IREB2: variants seen among roughly 807,000 people sequenced by gnomAD.
IREB2 encodes iron-responsive element-binding protein 2.
A neutral mutation model predicts 118.8 loss-of-function variants in IREB2; 39 were observed. That is an observed-to-expected ratio of 0.33 (90% CI 0.25 to 0.43). The LOEUF (loss-of-function observed/expected upper bound fraction) is 0.43, where lower values mean the gene tolerates loss of function less well. Among genes scored for constraint, IREB2 ranks in the 20% least tolerant of loss-of-function variants. The pLI, the probability that IREB2 is intolerant of heterozygous loss-of-function variation, is 1.00. For synonymous variants in IREB2, 372 were observed against 392.2 expected, an observed-to-expected ratio of 0.95 and a Z score of 0.61; for missense variants, 900 against 1,147.3, an observed-to-expected ratio of 0.78 and a Z score of 3.11.
At chr15:78,481,518 G>T (rs980347581) in intron 10 of IREB2, among the ~76,000 whole-genome samples, 4 of 86,156 alleles carry the variant, frequency 4.6e-5, no homozygotes. Context: ...ACCACACCTC[G>T]CTAATTTTTT....
Position 78,478,111 on chromosome 15 carries a change from C to T in IREB2, c.1196-186C>T, listed in dbSNP as rs142752930. On this transcript the variant is annotated intron_variant, in intron 9 of 21. Coordinates refer to ENST00000258886, the MANE Select transcript of IREB2 (RefSeq NM_004136.4). The stretch of plus-strand genomic sequence containing the variant: ...AAAAAAAAAAAAAATTAACCAGGCA[C>T]GGTGGGGTGCTACTTGGGAGGCTGA... 9.9e-5 allele frequency among the ~76,000 whole-genome samples: 15 copies of T among 151,244 alleles called. No homozygotes were observed. In the East Asian group the frequency reaches 1.2e-3, roughly 12 times the overall value.
At chr15:78,474,963 G>A (rs1219756963) in intron 8 of IREB2, 1 of 151,032 alleles carries the variant, frequency 6.6e-6, no homozygotes, top group Non-Finnish European at 1.5e-5. Flanking sequence ...GCTGAGGCAG[G>A]AGAATGGCGT....
chr15:78,473,598 CA>C, intron 8 of IREB2: 1 of 501,814 alleles, frequency 2.0e-6, no homozygotes, highest in East Asian at 3.5e-5. Context: ...TATGTTAGCT[CA>C]TTTAGTCCTT....
chr15:78,438,247 T>A lies in IREB2; in HGVS notation c.-91T>A. On this transcript the variant is annotated 5_prime_UTR_variant, in exon 1 of 22. Coordinates refer to ENST00000258886, the MANE Select transcript of IREB2 (RefSeq NM_004136.4). ...GCTTCCTTCTTTCCTCCCTTGCCAG[T>A]CCGCCTGTCTTCCTCCCCGTCTTCC... 3.0e-6 allele frequency: 3 copies of A among 986,654 alleles called. No individual in the cohort carries two copies. The highest frequency in any genetic ancestry group is 2.7e-5 in the South Asian group (2 of 72,844). 61.1% of individuals were successfully genotyped at this position (986,654 alleles called of 1,614,324 possible). A position where few individuals can be genotyped will look rare whatever the true frequency, so the allele number is the denominator to read the frequency against.
chr15:78,482,326 A>C (rs2051588332), intron 10 of IREB2, among the ~76,000 whole-genome samples: 1 of 152,222 alleles, frequency 6.6e-6, no homozygotes, highest in Admixed American at 6.5e-5. Context: ...CCATGATGAA[A>C]AGTTTCAAGA....
At chr15:78,475,949 CT>C in intron 8 of IREB2, 1 of 324,034 alleles carries the variant, frequency 3.1e-6, no homozygotes, top group Non-Finnish European at 5.6e-6. Context: ...TTATAGCCAC[CT>C]TGAGCTTTCA....
chr15:78,467,662 C>A (rs569237902), intron 5 of IREB2, among the ~76,000 whole-genome samples: 2 of 152,154 alleles, frequency 1.3e-5, no homozygotes, highest in Admixed American at 6.5e-5. Context: ...TGCACTCCAG[C>A]CTGGGTGACA....
At chr15:78,469,483 G>T (rs1020780429) in intron 5 of IREB2, among the ~76,000 whole-genome samples, 1 of 152,088 alleles carries the variant, frequency 6.6e-6, no homozygotes, top group African/African-American at 2.4e-5. Context: ...ACTTTGGGAG[G>T]CTGAGGCGGG....
intron 2 of IREB2, among the ~76,000 whole-genome samples, chr15:78,453,705 A>G (rs1353972993): frequency 6.6e-6 from 1 of 152,202 alleles, no homozygotes; most frequent in Non-Finnish European, 1.5e-5. Context: ...GTTGAGAGGT[A>G]GGAACTGTTA....
intron 10 of IREB2, among the ~76,000 whole-genome samples, chr15:78,481,175 T>C (rs952964777): frequency 2.6e-5 from 4 of 152,094 alleles, no homozygotes; most frequent in African/African-American, 9.7e-5. Context: ...CCCGAGCCCC[T>C]GAGTTTGAAG....
Position 78,476,291 on chromosome 15 carries a change from C to T in IREB2, c.1127C>T (p.Pro376Leu), listed in dbSNP as rs1192959867. 10 of 1,608,450 alleles carry T rather than the reference C, an allele frequency of 6.2e-6. No individual in the cohort carries two copies. The Admixed American group carries it at 8.3e-5, about 13-fold the overall frequency. ...VDRTTIANMC[P>L]EYGAILSFFP... is the part of the protein sequence containing the mutation. ...CGAACTACAATAGCAAACATGTGTCCGGAATATGGTGCTATCCTCAGCTTT... is the reference window on the plus strand; with the variant it reads ...CGAACTACAATAGCAAACATGTGTCTGGAATATGGTGCTATCCTCAGCTTT... The change falls in exon 9 of 22, where the codon CCG becomes CTG. Residue 376 changes from proline to leucine, a missense_variant. Physicochemically the swap from Pro to Leu is moderately conservative, Grantham distance 98. Coordinates refer to ENST00000258886, the MANE Select transcript of IREB2 (RefSeq NM_004136.4).
intron 2 of IREB2, among the ~76,000 whole-genome samples, chr15:78,450,747 C>T: frequency 6.6e-6 from 1 of 151,784 alleles, no homozygotes. Flanking sequence ...CTGGCACAGG[C>T]AGGATGCCTT....
chr15:78,484,437 C>G (rs2051625254), intron 11 of IREB2, among the ~76,000 whole-genome samples: 1 of 152,172 alleles, frequency 6.6e-6, no homozygotes, highest in South Asian at 2.1e-4. Flanking sequence ...AAAAAAATTT[C>G]TGCCATCTCT....
rs757465946 is a variant in IREB2 at position 78,463,067 on chromosome 15, T to C, written c.252T>C (p.Arg84=). The C allele has an allele frequency of 1.2e-6, 2 of 1,603,918 alleles. No homozygotes were observed. Among genetic ancestry groups the C allele is most frequent in the Admixed American group, 1.8e-5 (1 of 56,650 alleles). The change falls in exon 3 of 22, where the codon CGT becomes CGC. Residue 84 remains arginine (R), a synonymous_variant. Transcript: ENST00000258886. The part of the protein sequence containing the change: ...SNVEVPFFPA[R]VLLQDFTGIP... ...TTGAAGTGCCCTTTTTCCCTGCCCGTGTTCTTCTTCAAGATTTTACGTGAG... is the reference window on the plus strand; with the variant it reads ...TTGAAGTGCCCTTTTTCCCTGCCCGCGTTCTTCTTCAAGATTTTACGTGAG...
rs529149172 is a variant in IREB2 at position 78,500,085 on chromosome 15, C to G, written c.*1942C>G. The G allele has an allele frequency of 6.6e-6, 1 of 152,318 alleles. No individual in the cohort carries two copies. Among genetic ancestry groups the G allele is most frequent in the Non-Finnish European group, 1.5e-5 (1 of 68,220 alleles). The allele number at this position is 152,318 out of a possible 1,614,324, so 9.4% of individuals were successfully genotyped here. A position where few individuals can be genotyped will look rare whatever the true frequency, so the allele number is the denominator to read the frequency against. On this transcript the variant is annotated 3_prime_UTR_variant, in exon 22 of 22. Coordinates refer to ENST00000258886, the MANE Select transcript of IREB2 (RefSeq NM_004136.4). ...CCAGATGATCTGAATCTCTTGACCT[C>G]GTGATCCGCCCGCCTTGGCCTCCAC... is the stretch of plus-strand genomic sequence containing the variant.
chr15:78,478,471 G>A, intron 10 of IREB2, 74 bp downstream of exon 10: 1 of 909,366 alleles, frequency 1.1e-6, no homozygotes, highest in African/African-American at 1.7e-5. Flanking sequence ...GAAAGGTTGG[G>A]GTGGGTTGAT....
At chr15:78,488,481 TTA>T in intron 15 of IREB2, 145 bp downstream of exon 15, 1 of 980,562 alleles carries the variant, frequency 1.0e-6, no homozygotes, top group Admixed American at 3.2e-5. Flanking sequence ...ATTTCTGTGT[TTA>T]TGTGAAGAAA....
At chr15:78,465,871 G>A (rs2938673) in intron 4 of IREB2, among the ~76,000 whole-genome samples, 140,883 of 152,212 alleles carry the variant, frequency 0.93, 66,155 homozygotes, top group Non-Finnish European at 1. Context: ...TTTTAAAAAC[G>A]TTCCCTGGAG....
chr15:78,440,586 C>T (rs192163451), intron 2 of IREB2, among the ~76,000 whole-genome samples: 1 of 152,254 alleles, frequency 6.6e-6, no homozygotes, highest in African/African-American at 2.4e-5. Flanking sequence ...AGACTAGTCT[C>T]AGACTCCTGA....
Sources: allele counts gnomAD v4.1 joint callset (sites outside exome capture counted in the v4.1 genomes callset), GRCh38; gene constraint gnomAD v4.1.1; transcripts MANE v1.5; gene names NCBI Gene and HGNC (gene_info 2026-07-23, HGNC 2026-07-21).